Variants in RPS24 observed in about 807,000 individuals in gnomAD.
RPS24 encodes the protein ribosomal protein S24.
For missense variants in RPS24, 100 were observed against 162.5 expected (o/e 0.62, Z 2.09); for synonymous variants, 72 against 55.6 (o/e 1.30, Z -1.31).
At chr10:78,036,057 T>C (rs945527633) in intron 3 of RPS24, 1 of 367,874 alleles carries the variant, frequency 2.7e-6, no homozygotes, top group Non-Finnish European at 5.2e-6. Context: ...CATCTGGGCT[T>C]AAACCCATAG....
downstream of RPS24, among the ~76,000 whole-genome samples, chr10:78,045,199 G>T (rs1312302202): frequency 6.6e-6 from 1 of 152,008 alleles, no homozygotes; most frequent in African/African-American, 2.4e-5. Context: ...TGTTGGTCAG[G>T]CTGGTCTTGA....
chr10:78,050,277 A>C (rs1004819561), intron 4 of RPS24, among the ~76,000 whole-genome samples: 25 of 152,096 alleles, frequency 1.6e-4, no homozygotes, highest in African/African-American at 6.0e-4. Flanking sequence ...TTAGACCTGC[A>C]TCCTCCTTGC....
At chr10:78,050,095 A>G (rs1339069173) in intron 4 of RPS24, among the ~76,000 whole-genome samples, 2 of 152,104 alleles carry the variant, frequency 1.3e-5, no homozygotes, top group Non-Finnish European at 2.9e-5. Flanking sequence ...CTGGAAAATC[A>G]TTTCAGAACA....
intron 4 of RPS24, among the ~76,000 whole-genome samples, chr10:78,053,674 G>A (rs1848122782): frequency 6.6e-6 from 1 of 152,104 alleles, no homozygotes; most frequent in Non-Finnish European, 1.5e-5. Context: ...GAGCGGGCCG[G>A]GGATGGGGGA....
downstream of RPS24, among the ~76,000 whole-genome samples, chr10:78,043,576 C>T (rs1200464040): frequency 6.7e-6 from 1 of 148,842 alleles, no homozygotes; most frequent in African/African-American, 2.6e-5. Context: ...TAGCCAAATT[C>T]CCAATTTACT....
chr10:78,034,715 A>G (rs1023339755), intron 1 of RPS24, among the ~76,000 whole-genome samples: 1 of 152,258 alleles, frequency 6.6e-6, no homozygotes, highest in African/African-American at 2.4e-5. Flanking sequence ...GTCCTTCAGA[A>G]GGGAATATCG....
At chr10:78,037,405 T>G in intron 4 of RPS24, 101 bp downstream of exon 4, 2 of 1,482,566 alleles carry the variant, frequency 1.3e-6, no homozygotes, top group Non-Finnish European at 1.8e-6. Context: ...CTTTTCTTAA[T>G]GTTTCTTCTT....
chr10:78,038,896 T>C (rs1326346791), intron 4 of RPS24: 2 of 152,288 alleles, frequency 1.3e-5, no homozygotes, highest in Admixed American at 6.5e-5. Flanking sequence ...CCTTCCAAAG[T>C]GCTGGGATTA....
intron 4 of RPS24, among the ~76,000 whole-genome samples, chr10:78,047,441 G>A (rs1340863353): frequency 1.3e-5 from 2 of 152,138 alleles, no homozygotes; most frequent in African/African-American, 4.8e-5. Flanking sequence ...AAAGACGTGT[G>A]ATGCACTATG....
chr10:78,034,221 C>T (rs1158389353), intron 1 of RPS24: 1 of 528,560 alleles, frequency 1.9e-6, no homozygotes, highest in Non-Finnish European at 3.4e-6. Flanking sequence ...GGAGGCACAT[C>T]TCGTCTGCAG....
chr10:78,037,806 A>G, intron 4 of RPS24: 1 of 454,096 alleles, frequency 2.2e-6, no homozygotes, highest in Non-Finnish European at 3.6e-6. Context: ...GCTTTTTACC[A>G]GCTTTGCTAG....
chr10:78,035,869 A>C lies in RPS24; in HGVS notation c.279+149A>C, dbSNP rs1322600495. On this transcript the variant is annotated intron_variant, in intron 3 of 5. Transcript: ENST00000372360. ...GAAAAAGTTATTTCATAAAATGCACAGGTGGAGTACGGGGGTTCAAAATTG... is the reference window on the plus strand; with the variant it reads ...GAAAAAGTTATTTCATAAAATGCACCGGTGGAGTACGGGGGTTCAAAATTG... 28 of 742,134 alleles carry C rather than the reference A, an allele frequency of 3.8e-5. No individual in the cohort carries two copies. The East Asian group carries it at 7.4e-4, about 20-fold the overall frequency. The allele number at this position is 742,134 out of a possible 1,614,324, so 46.0% of individuals were successfully genotyped here. A position where few individuals can be genotyped will look rare whatever the true frequency, so the allele number is the denominator to read the frequency against.
At chr10:78,052,949 C>T (rs576511328) in intron 4 of RPS24, among the ~76,000 whole-genome samples, 15 of 151,914 alleles carry the variant, frequency 9.9e-5, no homozygotes, top group Non-Finnish European at 2.2e-4. Flanking sequence ...GTCAGGAGTT[C>T]GAGACTGTCC....
At chr10:78,036,131 A>G (rs1200445656) in intron 3 of RPS24, 1 of 265,550 alleles carries the variant, frequency 3.8e-6, no homozygotes, top group East Asian at 9.4e-5. Flanking sequence ...AGAGTGAACT[A>G]CAGCAGTGAT....
Position 78,035,358 on chromosome 10 carries a change from A to G in RPS24, c.10A>G (p.Thr4Ala). The change falls in exon 2 of 6, where the codon ACC becomes GCC. Residue 4 changes from threonine (T) to alanine (A), a missense_variant. Transcript: ENST00000372360. The stretch of plus-strand genomic sequence containing the variant: ...AGAGTGTTTATGTTTTCAGAACGAC[A>G]CCGTAACTATCCGCACTAGAAAGTT... MND[T>A]VTIRTRKFMT... The G allele has an allele frequency of 1.2e-6, 2 of 1,614,126 alleles. No individual in the cohort carries two copies. Among genetic ancestry groups the G allele is most frequent in the Non-Finnish European group, 1.7e-6 (2 of 1,179,970 alleles).
downstream of RPS24, among the ~76,000 whole-genome samples, chr10:78,045,588 T>C (rs146311727): frequency 6.6e-6 from 1 of 152,120 alleles, no homozygotes; most frequent in South Asian, 2.1e-4. Flanking sequence ...TTCAAGCGAT[T>C]CTCCTGCCTC....
intron 4 of RPS24, chr10:78,039,879 G>C (rs1847955283): frequency 2.4e-6 from 1 of 418,332 alleles, no homozygotes; most frequent in Non-Finnish European, 4.5e-6. Context: ...AGGGGCAGAG[G>C]CTCAGGTATG....
rs1161879430 is a variant in RPS24 at position 78,054,881 on chromosome 10, C to T, written c.741C>T (p.Ala247=). The T allele has an allele frequency of 3.2e-6, 5 of 1,546,314 alleles. No homozygotes were observed. The African/African-American group carries it at 6.9e-5, about 21-fold the overall frequency. The change falls in exon 5 of 5, where the codon GCC becomes GCT. Residue 247 remains alanine (A), a synonymous_variant. Transcript: ENST00000440692. ...ACTTGGTCCTCCACTTGCCAGAAGC[C>T]TTGTCAGCAACCTTGACTCTGTCAC... is the stretch of plus-strand genomic sequence containing the variant.
At position 78,040,687 on chromosome 10, in the gene RPS24, T is replaced by TA; in HGVS notation, c.*97dup. ...ATTTTTCGCAAGAACATTAATAAACTAAAAACTTCATGTGTCTGGTTGTTT... is the reference window on the plus strand; with the variant it reads ...ATTTTTCGCAAGAACATTAATAAACTAAAAAACTTCATGTGTCTGGTTGTTT... On this transcript the variant is annotated 3_prime_UTR_variant, in exon 6 of 6. Transcript: ENST00000372360. 1 of 1,613,246 alleles carries TA rather than the reference T, an allele frequency of 6.2e-7. No individual in the cohort carries two copies. Among genetic ancestry groups the TA allele is most frequent in the Non-Finnish European group, 8.5e-7 (1 of 1,179,222 alleles).
Sources: gnomAD v4.1 joint callset for allele counts (sites outside exome capture counted in the v4.1 genomes callset) on GRCh38, gnomAD v4.1.1 for gene constraint, MANE v1.5 for transcripts, NCBI Gene and HGNC (gene_info 2026-07-23, HGNC 2026-07-21) for gene names.